C16orf92: variants seen among roughly 807,000 people sequenced by gnomAD.
The protein encoded by C16orf92 is fertilization-influencing membrane protein.
A neutral mutation model predicts 13.7 loss-of-function variants in C16orf92; 14 were observed. That is an observed-to-expected ratio of 1.02 (90% CI 0.67 to 1.60). C16orf92 has a LOEUF of 1.60. Among genes scored for constraint, C16orf92 ranks in the 40% most tolerant of loss-of-function variants. The pLI is 0.00. For synonymous variants in C16orf92, 50 were observed against 57.4 expected (o/e 0.87, Z 0.58); for missense variants, 116 against 139.0 (o/e 0.83, Z 0.83).
downstream of C16orf92, chr16:30,026,699 C>G (rs373625205): frequency 1.9e-6 from 3 of 1,613,996 alleles, no homozygotes; most frequent in East Asian, 6.7e-5. Context: ...CTATGGCCCA[C>G]GTGCTGCCCG....
downstream of C16orf92, chr16:30,024,942 C>T (rs558852264): frequency 1.3e-4 from 57 of 455,000 alleles, 1 homozygote; most frequent in Admixed American, 1.3e-3. Flanking sequence ...GGGTGGGAGG[C>T]GGTGCCCCCT....
chr16:30,026,834 C>T, downstream of C16orf92: 1 of 1,613,844 alleles, frequency 6.2e-7, no homozygotes, highest in Non-Finnish European at 8.5e-7. Flanking sequence ...AGGCAGAGGA[C>T]AGCCAGTGTC....
In C16orf92 at chr16:30,023,328, C is replaced by G. The variant is rs1239804700; in HGVS notation, c.-13C>G. 6.3e-6 allele frequency: 10 copies of G among 1,593,992 alleles called. No homozygotes were observed. Among genetic ancestry groups the G allele is most frequent in the Middle Eastern group, 1.7e-4 (1 of 6,032 alleles). On this transcript the variant is annotated 5_prime_UTR_variant, in exon 1 of 4. Coordinates refer to ENST00000681219, the MANE Select transcript of C16orf92 (RefSeq NM_001109659.2). The stretch of plus-strand genomic sequence containing the variant: ...CTGTGACATCACAGAGCCCCCACCT[C>G]ATGATAGGAGTCATGAGGCTGTGGC...
intron 1 of C16orf92, 43 bp from the exon 2 acceptor site, chr16:30,023,684 G>A (rs778518884): frequency 1.9e-6 from 3 of 1,614,094 alleles, no homozygotes; most frequent in Non-Finnish European, 2.5e-6. Context: ...GATAAAGGCA[G>A]GGGTCAGCTT....
chr16:30,025,354 A>C (rs368149523), downstream of C16orf92: 3 of 1,595,768 alleles, frequency 1.9e-6, no homozygotes, highest in Non-Finnish European at 2.6e-6. This position sits in a 1 kb window ranked among gnomAD's most constrained non-coding sequence, Gnocchi z 4.1. Flanking sequence ...GCAGGCCGGC[A>C]TGGCGCCCGT....
downstream of C16orf92, chr16:30,026,488 A>C: frequency 1.2e-6 from 1 of 835,712 alleles, no homozygotes; most frequent in Non-Finnish European, 1.9e-6. Flanking sequence ...TTCCCTGGGA[A>C]TACGCTGGGT....
At chr16:30,025,267 G>A (rs1293194948), downstream of C16orf92, 1 of 1,542,230 alleles carries the variant, frequency 6.5e-7, no homozygotes, top group African/African-American at 1.4e-5. This position sits in a 1 kb window ranked among gnomAD's most constrained non-coding sequence, Gnocchi z 4.1. Flanking sequence ...GGAAGAACCA[G>A]TAGAGCTGAG....
downstream of C16orf92, chr16:30,026,461 C>T (rs1025072282): frequency 4.2e-6 from 3 of 722,206 alleles, no homozygotes; most frequent in South Asian, 1.8e-5. Flanking sequence ...CTCAGTGAAC[C>T]CTGCCTGTCC....
At chr16:30,025,545 C>T (rs1391510013), downstream of C16orf92, 3 of 1,572,438 alleles carry the variant, frequency 1.9e-6, no homozygotes, top group Non-Finnish European at 1.7e-6. This position sits in a 1 kb window ranked among gnomAD's most constrained non-coding sequence, Gnocchi z 4.1. Flanking sequence ...CTCCCTGCGA[C>T]CCTAGCAGGC....
chr16:30,024,856 G>A (rs1039107017), downstream of C16orf92: 2 of 279,476 alleles, frequency 7.2e-6, no homozygotes, highest in Non-Finnish European at 1.3e-5. Context: ...TGGCAGAGGC[G>A]TCTCCCCACA....
downstream of C16orf92, chr16:30,027,266 CA>C (rs1642472731): frequency 4.7e-6 from 2 of 429,528 alleles, no homozygotes; most frequent in African/African-American, 4.1e-5. Context: ...AGAGAGGTCA[CA>C]GGGGTGGACG....
rs372756087 is a variant in C16orf92 at position 30,024,696 on chromosome 16, AT to A, written c.*471del. 149 of 182,982 alleles carry A rather than the reference AT, an allele frequency of 8.1e-4. 2 individuals carry two copies. In the East Asian group the frequency reaches 0.018, roughly 23 times the overall value. The allele number at this position is 182,982 out of a possible 1,614,324, so 11.3% of individuals were successfully genotyped here. ...TGGGTAAATAAATAAAATAAATAAG[AT>A]TCCTCAAGCTGGCCTACCCTGGAGA... On this transcript the variant is annotated 3_prime_UTR_variant, in exon 4 of 4. Coordinates refer to ENST00000681219, the MANE Select transcript of C16orf92 (RefSeq NM_001109659.2).
Position 30,024,581 on chromosome 16 carries a change from G to A in C16orf92, c.*354G>A, listed in dbSNP as rs982136674. Reference sequence around the variant, plus strand: ...TGCAGCCGATGGTGAGGGACTGGGCGCCCTCGCCTGCCCCCGGGGTTGTCA... The same window carrying A: ...TGCAGCCGATGGTGAGGGACTGGGCACCCTCGCCTGCCCCCGGGGTTGTCA... On this transcript the variant is annotated 3_prime_UTR_variant, in exon 4 of 4. Transcript: ENST00000681219. 7 of 325,354 alleles carry A rather than the reference G, an allele frequency of 2.2e-5. No individual in the cohort carries two copies. The highest frequency in any genetic ancestry group is 2.0e-4 in the South Asian group (3 of 15,180). 20.2% of individuals were successfully genotyped at this position (325,354 alleles called of 1,614,324 possible). A position where few individuals can be genotyped will look rare whatever the true frequency, so the allele number is the denominator to read the frequency against.
At chr16:30,026,689 C>CT, downstream of C16orf92, 1 of 1,613,978 alleles carries the variant, frequency 6.2e-7, no homozygotes, top group Non-Finnish European at 8.5e-7. Context: ...TAGCCACGCG[C>CT]TATGGCCCAC....
downstream of C16orf92, chr16:30,027,121 C>A (rs976650493): frequency 3.6e-6 from 2 of 551,972 alleles, no homozygotes; most frequent in South Asian, 1.5e-5. Context: ...CCAGAAGATG[C>A]CCACAGACCA....
At chr16:30,026,597 C>T (rs768877960), downstream of C16orf92, 1 of 1,611,204 alleles carries the variant, frequency 6.2e-7, no homozygotes, top group African/African-American at 1.3e-5. Flanking sequence ...CGCCCAGCTC[C>T]CCGGGACTCA....
rs2070983140 is a variant in C16orf92, at chr16:30,024,196, T to C, written c.312-10T>C. 2 of 1,613,888 alleles carry C rather than the reference T, an allele frequency of 1.2e-6. No homozygotes were observed. Among genetic ancestry groups the C allele is most frequent in the Admixed American group, 3.3e-5 (2 of 59,988 alleles). The stretch of plus-strand genomic sequence containing the variant: ...TGTGACCTCTCCCCTCTGATCTCCA[T>C]GCCCCACAGAAACTTCCAGAAAGGG... On this transcript the variant is annotated splice_polypyrimidine_tract_variant and intron_variant, in intron 3 of 3. Transcript: ENST00000681219.
chr16:30,027,569 C>T (rs1180617046), downstream of C16orf92: 1 of 456,104 alleles, frequency 2.2e-6, no homozygotes, highest in Admixed American at 2.3e-5. Context: ...CCCAAAGTCA[C>T]CCAATCTCTT....
chr16:30,027,215 G>A, downstream of C16orf92: 1 of 461,674 alleles, frequency 2.2e-6, no homozygotes, highest in Non-Finnish European at 4.3e-6. Context: ...CTTACCATGA[G>A]GTTAGGACCA....
Sources: gnomAD v4.1 joint callset for allele counts on GRCh38, gnomAD v4.1.1 for gene constraint, Gnocchi (gnomAD v3.1) non-coding constraint, MANE v1.5 for transcripts, NCBI Gene and HGNC (gene_info 2026-07-23, HGNC 2026-07-21) for gene names.